The following DAB1 variants were observed in gnomAD, a reference collection of about 807,000 sequenced individuals.
The protein encoded by DAB1 is DAB adaptor protein 1, also known as disabled homolog 1.
DAB1 carries 15 observed loss-of-function variants against 64.6 expected under a neutral mutation model. The observed-to-expected ratio is 0.23, with a 90% CI of 0.16 to 0.36. The LOEUF (loss-of-function observed/expected upper bound fraction) is 0.36. Among genes scored for constraint, DAB1 ranks in the 10% least tolerant of loss-of-function variants. The probability of loss-of-function intolerance (pLI) is 1.00; values close to 1 mark genes in which losing one functional copy is unlikely to be tolerated. For synonymous variants in DAB1, 235 were observed against 251.9 expected, an observed-to-expected ratio of 0.93 and a Z score of 0.64; for missense variants, 596 against 706.7, an observed-to-expected ratio of 0.84 and a Z score of 1.78.
At chr1:57,438,574 G>C (rs540689639) in intron 7 of DAB1, among the ~76,000 whole-genome samples, 6 of 152,074 alleles carry the variant, frequency 3.9e-5, no homozygotes, top group Non-Finnish European at 7.4e-5. Flanking sequence ...CTATTTTCCA[G>C]CAAAATAAAG....
intron 7 of DAB1, among the ~76,000 whole-genome samples, chr1:57,485,103 A>G (rs1341953773): frequency 6.6e-6 from 1 of 152,228 alleles, no homozygotes; most frequent in East Asian, 1.9e-4. Flanking sequence ...CTACAGGCTT[A>G]GCAAAGCAGC....
rs190095085 is a variant in DAB1 at position 57,566,818 on chromosome 1, C to A, written n.625+82774G>T. 1.3e-3 allele frequency among the ~76,000 whole-genome samples: 204 copies of A among 152,194 alleles called. 1 individual carries two copies. The highest frequency in any genetic ancestry group is 4.3e-3 in the African/African-American group (177 of 41,522). ...CAACCAAAAAAAGTCCAGGACCAGA[C>A]GAATTCACAGCCGAATTCTACCAGA... On this transcript the variant is annotated intron_variant and non_coding_transcript_variant, in intron 7 of 20. Coordinates refer to the DAB1 transcript ENST00000485760.
At chr1:57,136,768 T>G (rs1658160026) in intron 3 of DAB1, 127 bp from the exon 4 acceptor site, 1 of 466,394 alleles carries the variant, frequency 2.1e-6, no homozygotes, top group Admixed American at 3.8e-5. Context: ...CCTTCGCACT[T>G]CCATATTTCT....
chr1:58,500,944 T>A (rs1045864284), intron 3 of DAB1, among the ~76,000 whole-genome samples: 7 of 152,224 alleles, frequency 4.6e-5, no homozygotes, highest in African/African-American at 1.7e-4. Context: ...CGACAAATTA[T>A]AATATACATA....
At chr1:58,151,159 G>A (rs1654913535) in intron 4 of DAB1, among the ~76,000 whole-genome samples, 1 of 152,196 alleles carries the variant, frequency 6.6e-6, no homozygotes, top group Non-Finnish European at 1.5e-5. Context: ...ACATATGTGT[G>A]CATGTGTCTT....
intron 5 of DAB1, among the ~76,000 whole-genome samples, chr1:58,125,942 C>A (rs1175838492): frequency 1.3e-5 from 2 of 152,056 alleles, no homozygotes; most frequent in Non-Finnish European, 2.9e-5. Context: ...ATCTCTATGA[C>A]AGGCCCCAGG....
chr1:57,512,069 G>A (rs530743530), intron 7 of DAB1, among the ~76,000 whole-genome samples: 1 of 152,294 alleles, frequency 6.6e-6, no homozygotes, highest in Admixed American at 6.5e-5. Flanking sequence ...TAAAGATGGT[G>A]AAACTAAGCC....
At chr1:57,596,175 T>G (rs950076874) in intron 7 of DAB1, among the ~76,000 whole-genome samples, 1 of 152,220 alleles carries the variant, frequency 6.6e-6, no homozygotes, top group Non-Finnish European at 1.5e-5. Context: ...GGGACACCAT[T>G]CGAACATTCT....
intron 4 of DAB1, among the ~76,000 whole-genome samples, chr1:58,280,902 C>T (rs1661545015): frequency 6.6e-6 from 1 of 151,994 alleles, no homozygotes; most frequent in Admixed American, 6.5e-5. Flanking sequence ...CTTTAGAGAC[C>T]GTAAGAGCAA....
At chr1:57,901,962 C>T (rs543254432) in intron 5 of DAB1, among the ~76,000 whole-genome samples, 55 of 151,908 alleles carry the variant, frequency 3.6e-4, no homozygotes, top group African/African-American at 1.2e-3. Flanking sequence ...CAAACAAACA[C>T]GCGGGCAACA....
intron 3 of DAB1, among the ~76,000 whole-genome samples, chr1:58,399,109 T>C (rs908817719): frequency 1.3e-5 from 2 of 152,248 alleles, no homozygotes; most frequent in African/African-American, 4.8e-5. Flanking sequence ...AATGTCAGCA[T>C]GTCACAGTCC....
At chr1:58,096,615 A>G (rs952352102) in intron 5 of DAB1, among the ~76,000 whole-genome samples, 2 of 152,232 alleles carry the variant, frequency 1.3e-5, no homozygotes, top group Non-Finnish European at 2.9e-5. Context: ...ATGGTTCAAC[A>G]CTTGCCCCAT....
At chr1:57,822,290 T>G (rs1652156235), downstream of DAB1, among the ~76,000 whole-genome samples, 1 of 152,084 alleles carries the variant, frequency 6.6e-6, no homozygotes, top group Non-Finnish European at 1.5e-5. Flanking sequence ...GTAAGAAGTG[T>G]TTCTTCTATC....
At chr1:57,520,928 T>A (rs1644518431) in intron 7 of DAB1, among the ~76,000 whole-genome samples, 1 of 151,780 alleles carries the variant, frequency 6.6e-6, no homozygotes, top group Non-Finnish European at 1.5e-5. Flanking sequence ...AGAAAAGACA[T>A]TGGGAAGACG....
At chr1:57,662,570 T>C (rs1328767682) in intron 6 of DAB1, among the ~76,000 whole-genome samples, 1 of 152,228 alleles carries the variant, frequency 6.6e-6, no homozygotes, top group Admixed American at 6.5e-5. Flanking sequence ...TTTAGAATCA[T>C]GTGTAAAGCA....
chr1:58,148,917 C>T (rs535787158), intron 5 of DAB1, among the ~76,000 whole-genome samples: 1 of 152,228 alleles, frequency 6.6e-6, no homozygotes, highest in East Asian at 1.9e-4. Flanking sequence ...ACCATGATCT[C>T]CCCTGTCTCA....
intron 5 of DAB1, among the ~76,000 whole-genome samples, chr1:58,112,202 C>T (rs1652003251): frequency 6.6e-6 from 1 of 152,162 alleles, no homozygotes; most frequent in Admixed American, 6.5e-5. Flanking sequence ...AATCCCCACT[C>T]ACCCTTTTAC....
intron 1 of DAB1, among the ~76,000 whole-genome samples, chr1:57,842,324 T>G (rs1045452250): frequency 4.6e-5 from 7 of 152,204 alleles, no homozygotes; most frequent in Non-Finnish European, 1.0e-4. Flanking sequence ...AACGAGTCTC[T>G]AGGAAGTTCC....
At chr1:58,064,912 C>CG (rs1648757416) in intron 5 of DAB1, among the ~76,000 whole-genome samples, 1 of 151,876 alleles carries the variant, frequency 6.6e-6, no homozygotes, top group Admixed American at 6.6e-5. Context: ...TTAGTAGGGA[C>CG]GGGGTTTCAC....
Sources: gnomAD v4.1 joint callset for allele counts (sites outside exome capture counted in the v4.1 genomes callset) on GRCh38, gnomAD v4.1.1 for gene constraint, MANE v1.5 for transcripts, NCBI Gene and HGNC (gene_info 2026-07-23, HGNC 2026-07-21) for gene names.